The following FSTL4 variants were observed in gnomAD, a reference collection of about 807,000 sequenced individuals.
FSTL4 encodes the protein follistatin like 4, also known as follistatin-related protein 4.
Under a neutral mutation model 78.2 loss-of-function variants are expected in FSTL4, and 28 were observed. That is an observed-to-expected ratio of 0.36 (90% CI 0.27 to 0.49). The LOEUF (loss-of-function observed/expected upper bound fraction) is 0.49. FSTL4 is among the 20% of genes least tolerant of loss of function. The pLI, the probability that FSTL4 is intolerant of heterozygous loss-of-function variation, is 0.98. For missense variants in FSTL4, 922 were observed against 1,084.9 expected (o/e 0.85, Z 2.11); for synonymous variants, 422 against 440.5 (o/e 0.96, Z 0.53).
At chr5:133,217,891 C>T (rs557127332) in intron 12 of FSTL4, among the ~76,000 whole-genome samples, 40 of 152,316 alleles carry the variant, frequency 2.6e-4, no homozygotes, top group African/African-American at 9.1e-4. Context: ...CTGGACTCTG[C>T]TCAGTGTGCT....
chr5:133,682,625 T>G, the FSTL4 span, among the ~76,000 whole-genome samples: 1 of 152,198 alleles, frequency 6.6e-6, no homozygotes, highest in South Asian at 2.1e-4. Context: ...TTGTGCACCA[T>G]TTGTCACTGC....
rs150181714 is a variant in FSTL4, at chr5:133,404,702, G to A, written c.161-3716C>T. ...ACAGGTGGTGTAATTGAGCGGTTGT[G>A]GAAGGCAAGCCCGTCTGACCCCGGT... On this transcript the variant is annotated intron_variant, in intron 3 of 15. Coordinates refer to ENST00000265342, the MANE Select transcript of FSTL4 (RefSeq NM_015082.2). Among the ~76,000 whole-genome samples the A allele has an allele frequency of 4.9e-3, 749 of 152,240 alleles. 4 individuals carry two copies. Among genetic ancestry groups the A allele is most frequent in the African/African-American group, 0.017 (723 of 41,530 alleles).
intron 7 of FSTL4, among the ~76,000 whole-genome samples, chr5:133,240,688 G>A (rs549175118): frequency 2.0e-5 from 3 of 152,204 alleles, no homozygotes; most frequent in Non-Finnish European, 4.4e-5. Flanking sequence ...ATCTCTTCGC[G>A]CATGACTCAT....
chr5:133,320,963 C>T (rs1259749794), intron 4 of FSTL4, among the ~76,000 whole-genome samples: 3 of 143,366 alleles, frequency 2.1e-5, no homozygotes, highest in Non-Finnish European at 3.0e-5. Context: ...GCCGAGATCA[C>T]GCCACTGCAC....
chr5:133,212,618 A>G (rs1013082677), intron 13 of FSTL4, among the ~76,000 whole-genome samples: 1 of 152,228 alleles, frequency 6.6e-6, no homozygotes, highest in South Asian at 2.1e-4. Context: ...GTGAGACCCA[A>G]TGGAAAGAAT....
At chr5:133,454,675 C>T (rs577583683) in intron 3 of FSTL4, among the ~76,000 whole-genome samples, 32 of 152,354 alleles carry the variant, frequency 2.1e-4, no homozygotes, top group African/African-American at 7.5e-4. Flanking sequence ...GCGCGAGTCA[C>T]GATGGCTGCC....
At chr5:133,394,368 G>A (rs983889728) in intron 4 of FSTL4, among the ~76,000 whole-genome samples, 13 of 152,330 alleles carry the variant, frequency 8.5e-5, no homozygotes, top group African/African-American at 1.9e-4. Flanking sequence ...AGGCACCGGC[G>A]GGAACTGGGG....
At chr5:133,791,607 TCA>T in the FSTL4 span, among the ~76,000 whole-genome samples, 1 of 152,228 alleles carries the variant, frequency 6.6e-6, no homozygotes, top group African/African-American at 2.4e-5. Context: ...CCATCAGGGC[TCA>T]GTGTTTCCAG....
chr5:133,619,719 G>C, the FSTL4 span, among the ~76,000 whole-genome samples: 1 of 152,274 alleles, frequency 6.6e-6, no homozygotes, highest in East Asian at 1.9e-4. Flanking sequence ...TATAACAACT[G>C]ACATGAACAG....
chr5:133,772,909 C>T, the FSTL4 span, among the ~76,000 whole-genome samples: 56 of 152,212 alleles, frequency 3.7e-4, no homozygotes, highest in African/African-American at 1.3e-3. Context: ...GCAAAGCATG[C>T]TTTTCCTTAC....
chr5:133,614,715 G>A (rs368949071), upstream of FSTL4, among the ~76,000 whole-genome samples: 3 of 152,232 alleles, frequency 2.0e-5, no homozygotes, highest in East Asian at 5.8e-4. Context: ...CAAGCATACT[G>A]ATTCTCAATA....
the FSTL4 span, among the ~76,000 whole-genome samples, chr5:133,728,628 A>G: frequency 6.6e-6 from 1 of 152,250 alleles, no homozygotes; most frequent in African/African-American, 2.4e-5. Flanking sequence ...AACTGGAATC[A>G]GCCTGCATGA....
At chr5:133,735,356 C>G in the FSTL4 span, among the ~76,000 whole-genome samples, 1 of 152,082 alleles carries the variant, frequency 6.6e-6, no homozygotes, top group Non-Finnish European at 1.5e-5. Flanking sequence ...TCCAGTTATT[C>G]AGGAGGCTGA....
the FSTL4 span, among the ~76,000 whole-genome samples, chr5:133,661,003 T>G: frequency 1.3e-5 from 2 of 152,200 alleles, no homozygotes; most frequent in Non-Finnish European, 2.9e-5. Context: ...TTACTTTTGT[T>G]TTTTTGAGAT....
intron 3 of FSTL4, among the ~76,000 whole-genome samples, chr5:133,526,203 A>G (rs1028032935): frequency 1.3e-5 from 2 of 152,216 alleles, no homozygotes; most frequent in Admixed American, 6.5e-5. Flanking sequence ...ACGGTAAATG[A>G]TCAATACACT....
intron 3 of FSTL4, among the ~76,000 whole-genome samples, chr5:133,441,618 C>A (rs1459750914): frequency 6.6e-6 from 1 of 152,154 alleles, no homozygotes; most frequent in Non-Finnish European, 1.5e-5. Flanking sequence ...CTACTGAACC[C>A]CGGAAAAGTC....
intron 3 of FSTL4, among the ~76,000 whole-genome samples, chr5:133,541,707 A>T (rs962441764): frequency 3.9e-5 from 6 of 152,148 alleles, no homozygotes; most frequent in African/African-American, 1.2e-4. Context: ...TGACTATTGT[A>T]TCGTTTTGAC....
intron 3 of FSTL4, among the ~76,000 whole-genome samples, chr5:133,565,565 T>C (rs1410714649): frequency 6.6e-6 from 1 of 152,210 alleles, no homozygotes; most frequent in Admixed American, 6.5e-5. Flanking sequence ...CAGTGTATGT[T>C]CCTAAGTCAA....
chr5:133,798,302 T>C, the FSTL4 span, among the ~76,000 whole-genome samples: 1 of 152,186 alleles, frequency 6.6e-6, no homozygotes, highest in East Asian at 1.9e-4. Context: ...ATCCTTGAAA[T>C]TCAGCTACTT....
Sources: allele counts gnomAD v4.1 joint callset (sites outside exome capture counted in the v4.1 genomes callset), GRCh38; gene constraint gnomAD v4.1.1; transcripts MANE v1.5; gene names NCBI Gene and HGNC (gene_info 2026-07-23, HGNC 2026-07-21).